CALCOCO2: variants seen among roughly 807,000 people sequenced by gnomAD.
The protein encoded by CALCOCO2 is calcium-binding and coiled-coil domain-containing protein 2.
A neutral mutation model predicts 62.5 loss-of-function variants in CALCOCO2; 42 were observed. The ratio of observed to expected loss-of-function variants is 0.67; its 90% CI spans 0.53 to 0.87. The LOEUF (loss-of-function observed/expected upper bound fraction) is 0.87, where lower values mean the gene tolerates loss of function less well. Among genes scored for constraint, CALCOCO2 ranks in the 40% least tolerant of loss-of-function variants. The probability of loss-of-function intolerance (pLI) is 0.00; values close to 1 mark genes in which losing one functional copy is unlikely to be tolerated. For synonymous variants in CALCOCO2, 167 were observed against 173.0 expected, an observed-to-expected ratio of 0.97 and a Z score of 0.27; for missense variants, 456 against 515.0, an observed-to-expected ratio of 0.89 and a Z score of 1.11.
At chr17:48,858,242 A>G (rs949820304) in intron 10 of CALCOCO2, among the ~76,000 whole-genome samples, 3 of 151,944 alleles carry the variant, frequency 2.0e-5, no homozygotes, top group Non-Finnish European at 4.4e-5. Context: ...ATTTATGCCA[A>G]TGTGTTTCAT....
At chr17:48,858,414 C>G (rs1019015589) in intron 10 of CALCOCO2, among the ~76,000 whole-genome samples, 1 of 152,040 alleles carries the variant, frequency 6.6e-6, no homozygotes, top group Non-Finnish European at 1.5e-5. Flanking sequence ...ACTGCAACCT[C>G]CACCTCCCAG....
intron 10 of CALCOCO2, among the ~76,000 whole-genome samples, chr17:48,858,052 A>AATAGAATAGAATAGG (rs2040264902): frequency 7.4e-6 from 1 of 134,804 alleles, no homozygotes; most frequent in Non-Finnish European, 1.6e-5. Context: ...TAGAAAATAG[A>AATAGAATAGAATAGG]ATAGAATAGA....
chr17:48,834,106 CAAAAAA>C lies in CALCOCO2; in HGVS notation c.-11+3048_-11+3053del, dbSNP rs59633969. Among the ~76,000 whole-genome samples the C allele has an allele frequency of 3.0e-3, 208 of 69,820 alleles. 3 individuals are homozygous for C. The East Asian group carries it at 0.044, about 15-fold the overall frequency. 45.8% of individuals were successfully genotyped at this position (69,820 alleles called of 152,430 possible). On this transcript the variant is annotated intron_variant, in intron 1 of 12. Coordinates refer to ENST00000258947, the MANE Select transcript of CALCOCO2 (RefSeq NM_005831.5). ...CACTCCAGCCTGCAAGACCCTATGTCAAAAAAAAAAAAAAAAAAAAAAAAAGCAAGA... is the reference window on the plus strand; with the variant it reads ...CACTCCAGCCTGCAAGACCCTATGTCAAAAAAAAAAAAAAAAAAAGCAAGA...
At chr17:48,836,709 C>T (rs1022963527) in intron 1 of CALCOCO2, among the ~76,000 whole-genome samples, 1 of 150,018 alleles carries the variant, frequency 6.7e-6, no homozygotes, top group African/African-American at 2.5e-5. Flanking sequence ...TCCAAGTGGT[C>T]TACTGACATA....
rs1491128634 is a variant in CALCOCO2, at chr17:48,854,397, T to TATATA, written c.912+1385_912+1386insATATA. On this transcript the variant is annotated intron_variant, in intron 9 of 12. Transcript: ENST00000258947. ...TTTCTTTTATTTATATATATATATATTTTTTTTTTTTTTTTTTTTTTTTTT... is the reference window on the plus strand; with the variant it reads ...TTTCTTTTATTTATATATATATATATATATATTTTTTTTTTTTTTTTTTTTTTTTT... 6.9e-3 allele frequency among the ~76,000 whole-genome samples: 12 copies of TATATA among 1,746 alleles called. 1 individual carries two copies. Among genetic ancestry groups the TATATA allele is most frequent in the Admixed American group, 0.023 (2 of 86 alleles). 1.1% of individuals were successfully genotyped at this position (1,746 alleles called of 152,430 possible).
intron 5 of CALCOCO2, among the ~76,000 whole-genome samples, chr17:48,849,848 G>C (rs907524229): frequency 6.6e-6 from 1 of 151,890 alleles, no homozygotes; most frequent in Admixed American, 6.6e-5. Flanking sequence ...GATATTTTAG[G>C]TACATTCGGT....
intron 9 of CALCOCO2, among the ~76,000 whole-genome samples, chr17:48,854,213 G>A (rs1274385021): frequency 6.8e-6 from 1 of 147,070 alleles, no homozygotes; most frequent in Non-Finnish European, 1.5e-5. Flanking sequence ...CTTCTCAGGA[G>A]GCTGAGGCAG....
intron 11 of CALCOCO2, among the ~76,000 whole-genome samples, chr17:48,861,640 T>TAG: frequency 7.1e-4 from 13 of 18,198 alleles, no homozygotes; most frequent in African/African-American, 1.8e-3. Flanking sequence ...TATATATATG[T>TAG]ATATATATAT....
At chr17:48,841,099 A>G (rs910020771) in intron 1 of CALCOCO2, among the ~76,000 whole-genome samples, 1 of 152,194 alleles carries the variant, frequency 6.6e-6, no homozygotes, top group Non-Finnish European at 1.5e-5. Context: ...GATTATATAA[A>G]TTGCCCAATG....
chr17:48,857,818 C>A (rs1217223787), intron 10 of CALCOCO2, among the ~76,000 whole-genome samples: 1 of 142,324 alleles, frequency 7.0e-6, no homozygotes. Context: ...ACTAAAAATA[C>A]AAAAAAAAAA....
intron 11 of CALCOCO2, among the ~76,000 whole-genome samples, chr17:48,862,066 AC>A (rs1346539445): frequency 6.8e-6 from 1 of 148,014 alleles, no homozygotes; most frequent in East Asian, 2.0e-4. Flanking sequence ...AAAAAAAAAT[AC>A]GATTTCATTA....
intron 11 of CALCOCO2, among the ~76,000 whole-genome samples, chr17:48,861,986 C>G (rs1424364904): frequency 6.7e-6 from 1 of 150,004 alleles, no homozygotes; most frequent in African/African-American, 2.5e-5. Context: ...GAGACAGAGG[C>G]TGCAGTGAGC....
At chr17:48,845,214 A>G (rs1348994571) in intron 2 of CALCOCO2, among the ~76,000 whole-genome samples, 1 of 152,144 alleles carries the variant, frequency 6.6e-6, no homozygotes, top group African/African-American at 2.4e-5. Flanking sequence ...TACCCCAATA[A>G]AGAAATAATC....
At chr17:48,844,438 A>G (rs183023326) in intron 2 of CALCOCO2, among the ~76,000 whole-genome samples, 1 of 151,950 alleles carries the variant, frequency 6.6e-6, no homozygotes, top group East Asian at 1.9e-4. Flanking sequence ...TTCACCATAT[A>G]TCATATGAAA....
chr17:48,851,328 A>G (rs2040126650), intron 6 of CALCOCO2, 151 bp downstream of exon 6: 2 of 642,330 alleles, frequency 3.1e-6, no homozygotes, highest in African/African-American at 1.8e-5. Flanking sequence ...GAATTAGAAA[A>G]TTGGTATCAG....
intron 2 of CALCOCO2, among the ~76,000 whole-genome samples, chr17:48,847,458 T>C (rs2040067675): frequency 6.6e-6 from 1 of 152,184 alleles, no homozygotes. Context: ...TTGGAGCTTT[T>C]TTCCTGGGTG....
chr17:48,845,728 CAAAAAAA>C (rs534937285), intron 2 of CALCOCO2, among the ~76,000 whole-genome samples: 1 of 107,900 alleles, frequency 9.3e-6, no homozygotes, highest in Non-Finnish European at 1.8e-5. Context: ...GACTCCATCT[CAAAAAAA>C]AAAAAAAAAG....
chr17:48,861,995 G>A (rs1195975979), intron 11 of CALCOCO2, among the ~76,000 whole-genome samples: 1 of 149,630 alleles, frequency 6.7e-6, no homozygotes, highest in East Asian at 2.0e-4. Context: ...GCTGCAGTGA[G>A]CTGAGATCAC....
At chr17:48,834,106 C>CA (rs59633969) in intron 1 of CALCOCO2, among the ~76,000 whole-genome samples, 1,419 of 69,730 alleles carry the variant, frequency 0.02, 44 homozygotes, top group African/African-American at 0.055. Flanking sequence ...GACCCTATGT[C>CA]AAAAAAAAAA....
Sources: gnomAD v4.1 joint callset for allele counts (sites outside exome capture counted in the v4.1 genomes callset) on GRCh38, gnomAD v4.1.1 for gene constraint, MANE v1.5 for transcripts, NCBI Gene and HGNC (gene_info 2026-07-23, HGNC 2026-07-21) for gene names.